Variants in WDR90 observed in about 807,000 individuals in gnomAD.
WDR90 encodes WD repeat-containing protein 90.
WDR90 carries 238 observed loss-of-function variants against 195.2 expected under a neutral mutation model. That is an observed-to-expected ratio of 1.22 (90% CI 1.10 to 1.36). The LOEUF is 1.36. Ranked by LOEUF, WDR90 falls within the 40% of genes most tolerant of loss-of-function variation. The pLI is 0.00. For synonymous variants in WDR90, 1,265 were observed against 1,052.4 expected (o/e 1.20, Z -3.91); for missense variants, 2,734 against 2,439.5 (o/e 1.12, Z -2.54).
intron 34 of WDR90, among the ~76,000 whole-genome samples, chr16:664,126 A>G (rs4984910): frequency 0.54 from 82,251 of 151,996 alleles, 25,706 homozygotes; most frequent in East Asian, 0.98. Flanking sequence ...GTCACAGCAC[A>G]AGCTCCGTGT....
At chr16:649,336 GGCAGCCGTTGC>G, upstream of WDR90, 3 of 1,310,620 alleles carry the variant, frequency 2.3e-6, no homozygotes, top group Non-Finnish European at 2.9e-6. Flanking sequence ...ACCGTTGCCA[GGCAGCCGTTGC>G]CTGGCGTCGC....
In WDR90 at chr16:661,404, C is replaced by T. The variant is rs377393193; in HGVS notation, c.3576C>T (p.Asp1192=). 1.2e-5 allele frequency: 19 copies of T among 1,612,066 alleles called. No homozygotes were observed. Among genetic ancestry groups the T allele is most frequent in the South Asian group, 2.2e-5 (2 of 91,040 alleles). ...TTAHCQIRVW[D]VSGGLCQHLI... ...CCCATTGTCAGATCCGCGTCTGGGACGTGTCTGGCGGCCTCTGCCAGCATC... is the reference window on the plus strand; with the variant it reads ...CCCATTGTCAGATCCGCGTCTGGGATGTGTCTGGCGGCCTCTGCCAGCATC... Residue 1192 remains aspartate, a synonymous_variant, in exon 30 of 41, where the codon GAC becomes GAT. Transcript: ENST00000293879.
chr16:662,598 G>C (rs2037940485), intron 33 of WDR90, 81 bp from the exon 34 acceptor site: 8 of 1,500,872 alleles, frequency 5.3e-6, no homozygotes, highest in Non-Finnish European at 7.1e-6. Context: ...TGAGGGCCCT[G>C]CCTCGGCTGG....
At chr16:653,910 C>T (rs2037694963) in intron 13 of WDR90, 107 bp downstream of exon 13, 1 of 1,400,890 alleles carries the variant, frequency 7.1e-7, no homozygotes, top group South Asian at 1.3e-5. Context: ...CCCTGGGTCC[C>T]TGCTCTGTGT....
At position 662,125 on chromosome 16, in the gene WDR90, G is replaced by C. The variant is rs917017814; in HGVS notation, c.4033+66G>C. 3.1e-4 allele frequency: 491 copies of C among 1,561,684 alleles called. 2 individuals are homozygous for C. The highest frequency in any genetic ancestry group is 2.2e-3 in the Middle Eastern group (13 of 5,898). On this transcript the variant is annotated intron_variant, in intron 32 of 40. Transcript: ENST00000293879. ...ACCTGGGATCCTCAGAGCTGGGGCAGAGGCCTCATCTGTAGCCCTGGCGTC... is the reference window on the plus strand; with the variant it reads ...ACCTGGGATCCTCAGAGCTGGGGCACAGGCCTCATCTGTAGCCCTGGCGTC...
Position 667,294 on chromosome 16 carries a change from G to C in WDR90, c.5090-138G>C. 4 of 1,198,634 alleles carry C rather than the reference G, an allele frequency of 3.3e-6. No homozygotes were observed. The East Asian group carries it at 1.0e-4, about 31-fold the overall frequency. The allele number at this position is 1,198,634 out of a possible 1,614,324, so 74.2% of individuals were successfully genotyped here. On this transcript the variant is annotated intron_variant, in intron 40 of 40. Coordinates refer to ENST00000293879, the MANE Select transcript of WDR90 (RefSeq NM_145294.5). ...CCCCCTAGTCCCAGTGGCACGTGGA[G>C]GGCACAGCCAGGAGCCCTTTTAGCA...
rs1226226035 is a variant in WDR90 at position 650,270 on chromosome 16, G to C, written c.296G>C (p.Arg99Pro). The change falls in exon 4 of 41, where the codon CGT becomes CCT. Residue 99 changes from arginine (R) to proline (P), a missense_variant. Arg to Pro is a moderately radical substitution (Grantham distance 103, BLOSUM62 -2). Coordinates refer to ENST00000293879, the MANE Select transcript of WDR90 (RefSeq NM_145294.5). ...DVSSKDNQVI[R>P]VSFSNLFKEF... ...TCCCCACAGGACAACCAAGTCATCCGTGTGTCTTTCTCCAACCTCTTCAAG... is the reference window on the plus strand; with the variant it reads ...TCCCCACAGGACAACCAAGTCATCCCTGTGTCTTTCTCCAACCTCTTCAAG... 2 of 1,612,958 alleles carry C rather than the reference G, an allele frequency of 1.2e-6. No individual in the cohort carries two copies. The highest frequency in any genetic ancestry group is 1.1e-5 in the South Asian group (1 of 91,088).
At position 660,942 on chromosome 16, in the gene WDR90, G is replaced by GCCCCCTGTTCGGCCCCTCCCCAGGCCC. The variant is rs1567220431; in HGVS notation, c.3392-105_3392-104insCTGTTCGGCCCCTCCCCAGGCCCCCCC. On this transcript the variant is annotated intron_variant, in intron 28 of 40. Coordinates refer to ENST00000293879, the MANE Select transcript of WDR90 (RefSeq NM_145294.5). Reference sequence around the variant, plus strand: ...GGGACGATGCTAACCCCTTGGCCCCGCCCCACGGCTCGGCCCAGGCCCCGC... The same window carrying GCCCCCTGTTCGGCCCCTCCCCAGGCCC: ...GGGACGATGCTAACCCCTTGGCCCCGCCCCCTGTTCGGCCCCTCCCCAGGCCCCCCCACGGCTCGGCCCAGGCCCCGC... 72 of 318,842 alleles carry GCCCCCTGTTCGGCCCCTCCCCAGGCCC rather than the reference G, an allele frequency of 2.3e-4. 4 individuals are homozygous for GCCCCCTGTTCGGCCCCTCCCCAGGCCC. Among genetic ancestry groups the GCCCCCTGTTCGGCCCCTCCCCAGGCCC allele is most frequent in the African/African-American group, 8.9e-4 (3 of 3,354 alleles). The allele number at this position is 318,842 out of a possible 1,614,324, so 19.8% of individuals were successfully genotyped here. A position where few individuals can be genotyped will look rare whatever the true frequency, so the allele number is the denominator to read the frequency against.
chr16:655,349 G>A lies in WDR90; in HGVS notation c.1599G>A (p.Leu533=), dbSNP rs757250142. The change falls in exon 15 of 41, where the codon CTG becomes CTA. Residue 533 remains leucine (L), a synonymous_variant. Coordinates refer to ENST00000293879, the MANE Select transcript of WDR90 (RefSeq NM_145294.5). ...AGGGCAGTGTGCGGCTCTGGCGGCTGCGTGGCGGGGTGCTGCGTTCCTGCC... is the reference window on the plus strand; with the variant it reads ...AGGGCAGTGTGCGGCTCTGGCGGCTACGTGGCGGGGTGCTGCGTTCCTGCC... ...CGQGSVRLWR[L]RGGVLRSCPV... 8.1e-6 allele frequency: 13 copies of A among 1,602,492 alleles called. No individual in the cohort carries two copies. The South Asian group carries it at 1.3e-4, about 16-fold the overall frequency.
chr16:659,137 G>A lies in WDR90; in HGVS notation c.3052+11G>A. On this transcript the variant is annotated intron_variant, in intron 25 of 40. Coordinates refer to ENST00000293879, the MANE Select transcript of WDR90 (RefSeq NM_145294.5). ...CAGCCTGCAAGACAGGTGAGTGGCT[G>A]TGCTCAGCTGGGGTGCAGGTGCTGC... 6.2e-7 allele frequency: 1 copy of A among 1,611,316 alleles called. No homozygotes were observed. The highest frequency in any genetic ancestry group is 8.5e-7 in the Non-Finnish European group (1 of 1,179,826).
At position 650,595 on chromosome 16, in the gene WDR90, C is replaced by T; in HGVS notation, c.445C>T (p.Gln149Ter). The T allele has an allele frequency of 6.2e-7, 1 of 1,612,762 alleles. No homozygotes were observed. The highest frequency in any genetic ancestry group is 2.2e-5 in the East Asian group (1 of 44,882). The change falls in exon 5 of 41, where the codon CAG becomes TAG. Residue 149 changes from glutamine (Q) to a stop codon, truncating the protein, a stop_gained. Coordinates refer to ENST00000293879, the MANE Select transcript of WDR90 (RefSeq NM_145294.5). LOFTEE classifies it high-confidence loss of function. Reference sequence around the variant, plus strand: ...CTGGACCTGCCTGCAGCTCGATCTGCAGGACGTTCTCCTGGTCTACCTGAA... The same window carrying T: ...CTGGACCTGCCTGCAGCTCGATCTGTAGGACGTTCTCCTGGTCTACCTGAA... ...ARWTCLQLDL[Q>*]DVLLVYLNRC... is the part of the protein sequence containing the mutation.
Position 657,904 on chromosome 16 carries a change from G to GCCCT in WDR90, c.2604+15_2604+18dup, listed in dbSNP as rs2037796039. ...CCTCCCTTGATGAGGTGAGTCCGCA[G>GCCCT]CCCTCCTGGGTCCAGGGAGACTGGG... On this transcript the variant is annotated intron_variant, in intron 21 of 40. Transcript: ENST00000293879. 3.9e-6 allele frequency: 6 copies of GCCCT among 1,552,546 alleles called. No homozygotes were observed. Among genetic ancestry groups the GCCCT allele is most frequent in the Non-Finnish European group, 5.2e-6 (6 of 1,147,044 alleles).
chr16:659,408 G>C (rs1330577190), intron 26 of WDR90, 32 bp downstream of exon 26: 1 of 1,580,806 alleles, frequency 6.3e-7, no homozygotes, highest in South Asian at 1.2e-5. Context: ...GGAGTGGGGG[G>C]ATTCGGGGGT....
Position 661,074 on chromosome 16 carries a change from C to CGCCT in WDR90, c.3417_3420dup (p.Val1141ProfsTer67). 6.6e-7 allele frequency: 1 copy of CGCCT among 1,508,492 alleles called. No individual in the cohort carries two copies. The highest frequency in any genetic ancestry group is 1.2e-5 in the South Asian group (1 of 84,528). The allele number at this position is 1,508,492 out of a possible 1,614,324, so 93.4% of individuals were successfully genotyped here. ...AGGCTTCTTTGCCTACACGTGCGGC[C>CGCCT]GCCTGGTGGTGGTGGAGGACCTGCA... On this transcript the variant is annotated frameshift_variant, in exon 29 of 41. Transcript: ENST00000293879. LOFTEE classifies it high-confidence loss of function.
At chr16:658,122 C>G in intron 21 of WDR90, 61 bp from the exon 22 acceptor site, 1 of 1,563,232 alleles carries the variant, frequency 6.4e-7, no homozygotes, top group Non-Finnish European at 8.7e-7. Flanking sequence ...CGAGCCTGAC[C>G]CTGGGTGGCA....
rs149348093 is a variant in WDR90, at chr16:655,158, C to T, written c.1556+11C>T. On this transcript the variant is annotated intron_variant, in intron 14 of 40. Coordinates refer to ENST00000293879, the MANE Select transcript of WDR90 (RefSeq NM_145294.5). ...TTTTGATGAAACCAGGTGATGCAGC[C>T]GCCCATCCACGATGTTGGGAGAGGG... 291 of 1,612,354 alleles carry T rather than the reference C, an allele frequency of 1.8e-4. 1 individual carries two copies. The Admixed American group carries it at 4.3e-3, about 24-fold the overall frequency.
rs754390396 is a variant in WDR90, at chr16:651,838, C to T, written c.852C>T (p.Ala284=). Residue 284 remains alanine (A), a synonymous_variant, in exon 9 of 41, where the codon GCC becomes GCT. Transcript: ENST00000293879. ...TTGTCCCCCAGCAGTCCGGCCGGGC[C>T]GCCTTGGCACCCAGGCCCTTCCCGG... is the stretch of plus-strand genomic sequence containing the variant. The part of the protein sequence containing the change: ...QTPSPTASGR[A]ALAPRPFPEV... 19 of 1,610,080 alleles carry T rather than the reference C, an allele frequency of 1.2e-5. No individual in the cohort carries two copies. The highest frequency in any genetic ancestry group is 4.4e-5 in the South Asian group (4 of 91,064).
intron 17 of WDR90, 50 bp from the exon 18 acceptor site, chr16:656,252 G>C: frequency 6.5e-7 from 1 of 1,539,054 alleles, no homozygotes; most frequent in East Asian, 2.3e-5. Context: ...CTGAGCATGC[G>C]GCTCACCCCG....
intron 9 of WDR90, 56 bp from the exon 10 acceptor site, chr16:652,411 G>A: frequency 6.5e-7 from 1 of 1,546,430 alleles, no homozygotes; most frequent in Non-Finnish European, 8.8e-7. Flanking sequence ...AGTTGGTCGG[G>A]CATTCTGGGG....
Sources: gnomAD v4.1 joint callset for allele counts (sites outside exome capture counted in the v4.1 genomes callset) on GRCh38, gnomAD v4.1.1 for gene constraint, MANE v1.5 for transcripts, NCBI Gene and HGNC (gene_info 2026-07-23, HGNC 2026-07-21) for gene names.